OR4N2: variants seen among roughly 807,000 people sequenced by gnomAD.
OR4N2 encodes the protein olfactory receptor 4N2.
For synonymous variants in OR4N2, 141 were observed against 140.4 expected (o/e 1.00, Z -0.03); for missense variants, 307 against 377.6 (o/e 0.81, Z 1.55).
rs554549731 is a variant in OR4N2 at position 19,813,108 on chromosome 14, G to A, written c.-10+9264G>A. ...TATGAATTAGAGTGAACATTAAGAG[G>A]TGAGTAAGATCCTGGATTATATGCA... On this transcript the variant is annotated intron_variant, in intron 1 of 1. Transcript: ENST00000557677. Among the ~76,000 whole-genome samples the A allele has an allele frequency of 2.0e-5, 3 of 152,296 alleles. No homozygotes were observed. The East Asian group carries it at 5.8e-4, about 29-fold the overall frequency.
At chr14:19,805,706 G>A (rs1439479524) in intron 1 of OR4N2, among the ~76,000 whole-genome samples, 5 of 152,166 alleles carry the variant, frequency 3.3e-5, no homozygotes, top group African/African-American at 1.2e-4. Flanking sequence ...TCTTGCTAGA[G>A]AGGATGATAT....
Position 19,808,639 on chromosome 14 carries a change from C to G in OR4N2, c.-10+4795C>G, listed in dbSNP as rs1184658134. Among the ~76,000 whole-genome samples the G allele has an allele frequency of 9.9e-5, 15 of 152,246 alleles. No individual in the cohort carries two copies. In the East Asian group the frequency reaches 2.7e-3, roughly 27 times the overall value. On this transcript the variant is annotated intron_variant, in intron 1 of 1. Transcript: ENST00000557677. ...ACAAGAATCAATGTTGTTAAAATGG[C>G]CACACTGCCCAAAGCAGTCTACAGT...
At position 19,828,710 on chromosome 14, in the gene OR4N2, G is replaced by A. The variant is rs1207751781; in HGVS notation, c.*338G>A. ...TAATAATCAAAAAAGACCTTGAAGA[G>A]CTGACGTTTTGGATGATATCTGGAT... On this transcript the variant is annotated 3_prime_UTR_variant, in exon 2 of 2. Coordinates refer to ENST00000557677, the MANE Select transcript of OR4N2 (RefSeq NM_001004723.3). The A allele has an allele frequency of 4.3e-6, 1 of 235,248 alleles. No homozygotes were observed. The highest frequency in any genetic ancestry group is 8.4e-6 in the Non-Finnish European group (1 of 119,306). The allele number at this position is 235,248 out of a possible 1,614,324, so 14.6% of individuals were successfully genotyped here.
At chr14:19,814,136 T>C (rs1224890487) in intron 1 of OR4N2, among the ~76,000 whole-genome samples, 2 of 152,152 alleles carry the variant, frequency 1.3e-5, no homozygotes, top group African/African-American at 4.8e-5. Flanking sequence ...AAGAAAAGAT[T>C]AAAATAATTT....
At chr14:19,827,330 T>C (rs1879723769) in intron 1 of OR4N2, 110 bp from the exon 2 acceptor site, 2 of 936,206 alleles carry the variant, frequency 2.1e-6, no homozygotes, top group South Asian at 3.7e-5. Context: ...ATGGGAAATG[T>C]TGTTTTTAGC....
intron 1 of OR4N2, among the ~76,000 whole-genome samples, chr14:19,827,069 T>C (rs1462829374): frequency 2.0e-5 from 3 of 152,322 alleles, no homozygotes; most frequent in African/African-American, 4.8e-5. Context: ...TCAAGCATAG[T>C]ATATCCACAA....
At chr14:19,809,350 G>A (rs998170311) in intron 1 of OR4N2, among the ~76,000 whole-genome samples, 5 of 152,176 alleles carry the variant, frequency 3.3e-5, no homozygotes, top group African/African-American at 1.2e-4. Flanking sequence ...AACCAGAGTT[G>A]ACAAGTCGGG....
rs554433620 is a variant in OR4N2 at position 19,808,880 on chromosome 14, C to T, written c.-10+5036C>T. The stretch of plus-strand genomic sequence containing the variant: ...GCATCACACTATTCAAACTATAAGG[C>T]CACTGTAACCAAAACAGCATGCTAC... On this transcript the variant is annotated intron_variant, in intron 1 of 1. Coordinates refer to ENST00000557677, the MANE Select transcript of OR4N2 (RefSeq NM_001004723.3). Among the ~76,000 whole-genome samples, 9 of 152,080 alleles carry T rather than the reference C, an allele frequency of 5.9e-5. No homozygotes were observed. The East Asian group carries it at 1.7e-3, about 29-fold the overall frequency.
chr14:19,817,889 C>T (rs948761126), intron 1 of OR4N2, among the ~76,000 whole-genome samples: 1 of 152,232 alleles, frequency 6.6e-6, no homozygotes, highest in African/African-American at 2.4e-5. Context: ...TACATTGTGT[C>T]TTTGTTCTCA....
At position 19,829,413 on chromosome 14, in the gene OR4N2, C is replaced by T. The variant is rs1368383917; in HGVS notation, c.*1041C>T. On this transcript the variant is annotated 3_prime_UTR_variant, in exon 2 of 2. Coordinates refer to ENST00000557677, the MANE Select transcript of OR4N2 (RefSeq NM_001004723.3). ...TTTTAAACAAAACATCATTTAATAT[C>T]GAGAGTTAGGTGTTCACAAAATCAC... is the stretch of plus-strand genomic sequence containing the variant. The T allele has an allele frequency of 2.6e-5, 4 of 152,222 alleles. No individual in the cohort carries two copies. The highest frequency in any genetic ancestry group is 2.1e-4 in the South Asian group (1 of 4,832). 9.4% of individuals were successfully genotyped at this position (152,222 alleles called of 1,614,324 possible). A position where few individuals can be genotyped will look rare whatever the true frequency, so the allele number is the denominator to read the frequency against.
intron 1 of OR4N2, among the ~76,000 whole-genome samples, chr14:19,804,991 T>G (rs989927083): frequency 6.6e-6 from 1 of 152,240 alleles, no homozygotes; most frequent in Non-Finnish European, 1.5e-5. Flanking sequence ...TATAGTCTAT[T>G]TTGTCTGGAA....
At chr14:19,825,063 A>G (rs1013557805) in intron 1 of OR4N2, among the ~76,000 whole-genome samples, 47 of 152,278 alleles carry the variant, frequency 3.1e-4, no homozygotes, top group African/African-American at 1.1e-3. Context: ...CAAAGGGGGA[A>G]AGGTTAAGAC....
intron 1 of OR4N2, among the ~76,000 whole-genome samples, chr14:19,818,494 G>A (rs1304499462): frequency 6.6e-6 from 1 of 152,150 alleles, no homozygotes; most frequent in Non-Finnish European, 1.5e-5. Flanking sequence ...TCAGAGACTA[G>A]GATTGCAACC....
intron 1 of OR4N2, among the ~76,000 whole-genome samples, chr14:19,820,215 T>C (rs1879530077): frequency 6.6e-6 from 1 of 152,238 alleles, no homozygotes; most frequent in South Asian, 2.1e-4. Context: ...TTCAAGCGCT[T>C]TGCTGGGAGA....
chr14:19,811,901 A>G (rs1490381595), intron 1 of OR4N2, among the ~76,000 whole-genome samples: 1 of 152,272 alleles, frequency 6.6e-6, no homozygotes, highest in Non-Finnish European at 1.5e-5. Context: ...ATGCAAGTAT[A>G]CATGCTCTCA....
chr14:19,829,256 T>G lies in OR4N2; in HGVS notation c.*884T>G, dbSNP rs1293120818. The G allele has an allele frequency of 6.6e-6, 1 of 152,374 alleles. No individual in the cohort carries two copies. The highest frequency in any genetic ancestry group is 3.4e-3 in the Middle Eastern group (1 of 298). 9.4% of individuals were successfully genotyped at this position (152,374 alleles called of 1,614,324 possible). ...TTTTCTAGAGCTTCATGATTACTCC[T>G]AGCAAATTTTTATGACTTTTAGCTG... On this transcript the variant is annotated 3_prime_UTR_variant, in exon 2 of 2. Coordinates refer to ENST00000557677, the MANE Select transcript of OR4N2 (RefSeq NM_001004723.3).
rs1301214271 is a variant in OR4N2 at position 19,829,342 on chromosome 14, A to G, written c.*970A>G. On this transcript the variant is annotated 3_prime_UTR_variant, in exon 2 of 2. Coordinates refer to ENST00000557677, the MANE Select transcript of OR4N2 (RefSeq NM_001004723.3). The stretch of plus-strand genomic sequence containing the variant: ...AGTTTAATAACAACAGTCTTTTGGT[A>G]GAGCAATCAGGATTTTGTGTCAGAG... 1 of 152,290 alleles carries G rather than the reference A, an allele frequency of 6.6e-6. No individual in the cohort carries two copies. Among genetic ancestry groups the G allele is most frequent in the Non-Finnish European group, 1.5e-5 (1 of 68,048 alleles). The allele number at this position is 152,290 out of a possible 1,614,324, so 9.4% of individuals were successfully genotyped here.
intron 1 of OR4N2, among the ~76,000 whole-genome samples, chr14:19,823,862 A>T (rs1193304173): frequency 6.6e-6 from 1 of 152,228 alleles, no homozygotes; most frequent in African/African-American, 2.4e-5. Flanking sequence ...AAAAATAAGG[A>T]AGGAGGTTGA....
intron 1 of OR4N2, among the ~76,000 whole-genome samples, chr14:19,814,658 A>G (rs1258240048): frequency 6.6e-6 from 1 of 152,254 alleles, no homozygotes; most frequent in Non-Finnish European, 1.5e-5. Flanking sequence ...GGAAAAATAA[A>G]TAATATTGGT....
Sources: allele counts gnomAD v4.1 joint callset (sites outside exome capture counted in the v4.1 genomes callset), GRCh38; gene constraint gnomAD v4.1.1; transcripts MANE v1.5; gene names NCBI Gene and HGNC (gene_info 2026-07-23, HGNC 2026-07-21).